Variants in SLC36A1 observed in about 807,000 individuals in gnomAD.
The protein encoded by SLC36A1 is solute carrier family 36 member 1.
In SLC36A1, 30 loss-of-function variants were observed where a neutral mutation model predicts 47.5. That is an observed-to-expected ratio of 0.63 (90% CI 0.47 to 0.86). The LOEUF is 0.86. Ranked by LOEUF, SLC36A1 falls within the 40% of genes least tolerant of loss-of-function variation. SLC36A1 has a pLI of 0.00. For missense variants in SLC36A1, 517 were observed against 606.0 expected (o/e 0.85, Z 1.54); for synonymous variants, 255 against 249.7 (o/e 1.02, Z -0.20).
the SLC36A1 span, among the ~76,000 whole-genome samples, chr5:151,361,019 T>C: frequency 6.6e-6 from 1 of 152,242 alleles, no homozygotes; most frequent in Admixed American, 6.5e-5. Context: ...AAAGTAATCA[T>C]GGTTTTGGCC....
the SLC36A1 span, among the ~76,000 whole-genome samples, chr5:151,346,647 C>CCTAAG: frequency 6.6e-6 from 1 of 152,160 alleles, no homozygotes; most frequent in Non-Finnish European, 1.5e-5. Context: ...ACTAGCAAGT[C>CCTAAG]TGGTTGGGTG....
Position 151,487,727 on chromosome 5 carries a change from C to T in SLC36A1, c.1160-256C>T, listed in dbSNP as rs564849574. Among the ~76,000 whole-genome samples the T allele has an allele frequency of 2.7e-4, 41 of 152,212 alleles. No homozygotes were observed. The East Asian group carries it at 4.1e-3, about 15-fold the overall frequency. On this transcript the variant is annotated intron_variant, in intron 10 of 10. Transcript: ENST00000243389. ...AAAGATGGAAGTCATGTGCTGTAGC[C>T]GGAAAAGCTGAAAGCCTGGGGACCG...
At chr5:151,540,293 G>A in the SLC36A1 span, among the ~76,000 whole-genome samples, 2 of 152,134 alleles carry the variant, frequency 1.3e-5, no homozygotes, top group African/African-American at 2.4e-5. Flanking sequence ...GGAGAAGCAA[G>A]AGAGGTGAGG....
At chr5:151,347,063 G>A in the SLC36A1 span, among the ~76,000 whole-genome samples, 1 of 152,184 alleles carries the variant, frequency 6.6e-6, no homozygotes, top group African/African-American at 2.4e-5. Context: ...GGGTAATTGA[G>A]CCTCAGTTTC....
chr5:151,367,200 C>T, the SLC36A1 span, among the ~76,000 whole-genome samples: 2 of 152,134 alleles, frequency 1.3e-5, no homozygotes, highest in African/African-American at 4.8e-5. Context: ...GGTCTGAGAG[C>T]AGAGAACTGG....
At chr5:151,454,083 ATTTTT>A (rs35097474) in intron 1 of SLC36A1, among the ~76,000 whole-genome samples, 24 of 88,082 alleles carry the variant, frequency 2.7e-4, no homozygotes, top group African/African-American at 7.1e-4. Context: ...GTACACTTAA[ATTTTT>A]TTTTTTTTTT....
the SLC36A1 span, among the ~76,000 whole-genome samples, chr5:151,547,492 A>C: frequency 3.3e-5 from 5 of 152,342 alleles, no homozygotes; most frequent in South Asian, 1.0e-3. Flanking sequence ...TACATGTCTT[A>C]TTCCCTCTAT....
the SLC36A1 span, among the ~76,000 whole-genome samples, chr5:151,361,669 A>T: frequency 2.6e-5 from 4 of 152,190 alleles, no homozygotes; most frequent in Non-Finnish European, 4.4e-5. Flanking sequence ...TACTTTTATC[A>T]GTAGGTTTTA....
At chr5:151,427,467 T>C in the SLC36A1 span, among the ~76,000 whole-genome samples, 5 of 152,210 alleles carry the variant, frequency 3.3e-5, no homozygotes, top group African/African-American at 1.2e-4. Flanking sequence ...CTTTCTGTCC[T>C]GAGTCGCAGC....
At chr5:151,539,210 C>T in the SLC36A1 span, among the ~76,000 whole-genome samples, 1 of 152,184 alleles carries the variant, frequency 6.6e-6, no homozygotes, top group Non-Finnish European at 1.5e-5. Flanking sequence ...CCTGAAAAGA[C>T]ATTTTGCATG....
the SLC36A1 span, chr5:151,511,725 T>C: frequency 5.7e-6 from 1 of 176,430 alleles, no homozygotes; most frequent in African/African-American, 2.4e-5. Flanking sequence ...ATACCACTTA[T>C]ATAAATTGGA....
At chr5:151,542,158 T>C in the SLC36A1 span, 9 of 826,064 alleles carry the variant, frequency 1.1e-5, no homozygotes, top group Non-Finnish European at 1.5e-5. Flanking sequence ...TCCTAGGGGG[T>C]TAAGTGTGCC....
rs1331484099 is a variant in SLC36A1, at chr5:151,489,062, C to T, written c.*808C>T. ...CTCAACTTCTCCTGCTGAAAAGAAG[C>T]TCGCTCCAGATGTCTGCATGGGTCC... On this transcript the variant is annotated 3_prime_UTR_variant, in exon 11 of 11. Coordinates refer to ENST00000243389, the MANE Select transcript of SLC36A1 (RefSeq NM_078483.4). The surrounding 1 kb of genome is among the most constrained non-coding windows in gnomAD (Gnocchi z 4.5). 2 of 152,184 alleles carry T rather than the reference C, an allele frequency of 1.3e-5. No individual in the cohort carries two copies. Among genetic ancestry groups the T allele is most frequent in the Admixed American group, 6.5e-5 (1 of 15,284 alleles). 9.4% of individuals were successfully genotyped at this position (152,184 alleles called of 1,614,324 possible). A position where few individuals can be genotyped will look rare whatever the true frequency, so the allele number is the denominator to read the frequency against.
intron 10 of SLC36A1, among the ~76,000 whole-genome samples, chr5:151,487,025 A>C (rs1759657745): frequency 6.6e-6 from 1 of 152,236 alleles, no homozygotes; most frequent in South Asian, 2.1e-4. Flanking sequence ...GCCAACAAGA[A>C]AACTGGGGAA....
Position 151,479,430 on chromosome 5 carries a change from C to T in SLC36A1, c.1100C>T (p.Pro367Leu), listed in dbSNP as rs763295771. Residue 367 changes from proline to leucine, a missense_variant, in exon 10 of 11, where the codon CCC (proline) becomes CTC (leucine). Transcript: ENST00000243389. Reference sequence around the variant, plus strand: ...ATCCCCTTCTTTGTGTCCCGAGCGCCCGAGCACTGTGAGTTAGTGGTGGAC... The same window carrying T: ...ATCCCCTTCTTTGTGTCCCGAGCGCTCGAGCACTGTGAGTTAGTGGTGGAC... ...IIIPFFVSRA[P>L]EHCELVVDLF... The T allele has an allele frequency of 1.1e-5, 17 of 1,614,084 alleles. No homozygotes were observed. Among genetic ancestry groups the T allele is most frequent in the Admixed American group, 1.7e-5 (1 of 60,014 alleles).
the SLC36A1 span, chr5:151,542,423 T>C: frequency 6.2e-7 from 1 of 1,614,150 alleles, no homozygotes; most frequent in Middle Eastern, 1.6e-4. Flanking sequence ...CGGGGAGCAT[T>C]GTCATTCTCA....
chr5:151,425,887 C>T, the SLC36A1 span, among the ~76,000 whole-genome samples: 1 of 151,942 alleles, frequency 6.6e-6, no homozygotes, highest in South Asian at 2.1e-4. Context: ...CCCTGAAGTC[C>T]CAATTCCCCT....
At chr5:151,537,385 C>G in the SLC36A1 span, among the ~76,000 whole-genome samples, 1 of 137,204 alleles carries the variant, frequency 7.3e-6, no homozygotes. Context: ...CAACGAACAA[C>G]GAAAGGAAAG....
the SLC36A1 span, chr5:151,542,741 C>G: frequency 1.2e-6 from 2 of 1,614,252 alleles, no homozygotes; most frequent in Non-Finnish European, 8.5e-7. Context: ...GCCTCAAATA[C>G]AGGCCTATTG....
Sources: gnomAD v4.1 joint callset for allele counts (sites outside exome capture counted in the v4.1 genomes callset) on GRCh38, gnomAD v4.1.1 for gene constraint, Gnocchi (gnomAD v3.1) non-coding constraint, MANE v1.5 for transcripts, NCBI Gene and HGNC (gene_info 2026-07-23, HGNC 2026-07-21) for gene names.